Variants in HJURP observed in about 807,000 individuals in gnomAD.
HJURP encodes 14-3-3-associated AKT substrate.
In HJURP, 49 loss-of-function variants were observed where a neutral mutation model predicts 72.0. The observed-to-expected ratio is 0.68, with a 90% CI of 0.54 to 0.86. HJURP has a LOEUF of 0.86. Ranked by LOEUF, HJURP falls within the 40% of genes least tolerant of loss-of-function variation. HJURP has a pLI of 0.00. For synonymous variants in HJURP, 357 were observed against 347.1 expected, an observed-to-expected ratio of 1.03 and a Z score of -0.32; for missense variants, 908 against 936.3, an observed-to-expected ratio of 0.97 and a Z score of 0.39.
Position 233,837,341 on chromosome 2 carries a change from C to A in HJURP, c.*236G>T. On this transcript the variant is annotated 3_prime_UTR_variant, in exon 9 of 9. Coordinates refer to ENST00000411486, the MANE Select transcript of HJURP (RefSeq NM_018410.5). ...ATAACCCCCCCCCAAAAAAAACACA[C>A]ACATCAGAAAAACAGGCCTATCAAA... is the stretch of plus-strand genomic sequence containing the variant. 1.9e-5 allele frequency: 6 copies of A among 322,208 alleles called. No homozygotes were observed. The highest frequency in any genetic ancestry group is 1.1e-4 in the South Asian group (2 of 18,284). The allele number at this position is 322,208 out of a possible 1,614,324, so 20.0% of individuals were successfully genotyped here.
chr2:233,847,669 A>G (rs1705400152), intron 4 of HJURP, among the ~76,000 whole-genome samples: 1 of 152,140 alleles, frequency 6.6e-6, no homozygotes, highest in African/African-American at 2.4e-5. Context: ...GGGGCCATGG[A>G]GTGAGGAAAG....
chr2:233,854,511 C>T lies in HJURP; in HGVS notation c.-11G>A. 6.3e-7 allele frequency: 1 copy of T among 1,599,964 alleles called. No homozygotes were observed. Among genetic ancestry groups the T allele is most frequent in the Non-Finnish European group, 8.5e-7 (1 of 1,171,786 alleles). On this transcript the variant is annotated 5_prime_UTR_variant, in exon 1 of 9. Transcript: ENST00000411486. ...CAGCGTACCCAGCATCGGACCCAGC[C>T]AGTACCCAAGCGCCAACCCGGACTG... is the stretch of plus-strand genomic sequence containing the variant.
rs189433056 is a variant in HJURP at position 233,853,416 on chromosome 2, C to G, written c.184+428G>C. ...AGTTACTACTCCAAGTTAAACAGGG[C>G]AAACAATAGTCAATGTGAGTATTCA... On this transcript the variant is annotated intron_variant, in intron 2 of 8. Transcript: ENST00000411486. Among the ~76,000 whole-genome samples the G allele has an allele frequency of 5.3e-5, 8 of 152,350 alleles. No homozygotes were observed. The East Asian group carries it at 1.5e-3, about 29-fold the overall frequency.
At chr2:233,845,075 T>A (rs1463575345) in intron 6 of HJURP, among the ~76,000 whole-genome samples, 1 of 152,170 alleles carries the variant, frequency 6.6e-6, no homozygotes, top group South Asian at 2.1e-4. Context: ...GTGGGGACTA[T>A]TGCTTCCCTA....
At chr2:233,845,485 A>G (rs920012577) in intron 6 of HJURP, among the ~76,000 whole-genome samples, 1 of 152,158 alleles carries the variant, frequency 6.6e-6, no homozygotes, top group Non-Finnish European at 1.5e-5. Context: ...TTGCCCCAGA[A>G]CAGTGGGCAG....
rs1705229795 is a variant in HJURP, at chr2:233,841,525, T to G, written c.1255A>C (p.Arg419=). ...CCATGGCCCTGTCGTATTGTTGGTC[T>G]GGAAACTATTTTTACAGGAGAAATT... ...WLISPVKIVS[R]PTIRQGHGEN... The change falls in exon 8 of 9, where the codon AGA becomes CGA. Residue 419 remains arginine, a synonymous_variant. Coordinates refer to ENST00000411486, the MANE Select transcript of HJURP (RefSeq NM_018410.5). 1.9e-6 allele frequency: 3 copies of G among 1,614,196 alleles called. No homozygotes were observed. The highest frequency in any genetic ancestry group is 2.5e-6 in the Non-Finnish European group (3 of 1,179,986).
chr2:233,846,037 A>AT lies in HJURP; in HGVS notation c.403-218_403-217insA. ...TAAAAAGACACACACACACAAAAAA[A>AT]CCATGTCTAGAGAAGTTTATGACAG... On this transcript the variant is annotated intron_variant, in intron 5 of 8. Coordinates refer to ENST00000411486, the MANE Select transcript of HJURP (RefSeq NM_018410.5). The surrounding 1 kb of genome is among the most constrained non-coding windows in gnomAD (Gnocchi z 4.3). 2.0e-6 allele frequency: 1 copy of AT among 488,322 alleles called. No homozygotes were observed. The highest frequency in any genetic ancestry group is 3.6e-6 in the Non-Finnish European group (1 of 275,148). The allele number at this position is 488,322 out of a possible 1,614,324, so 30.2% of individuals were successfully genotyped here. A position where few individuals can be genotyped will look rare whatever the true frequency, so the allele number is the denominator to read the frequency against.
Position 233,841,261 on chromosome 2 carries a change from T to C in HJURP, c.1519A>G (p.Arg507Gly). ...AGGCACCTACCTGCTTCCAGAGATC[T>C]TTTGCCTAGGTTTTCAAAAGCCTCA... ...LSEAFENLGK[R>G]SLEAGRCLPK... Residue 507 changes from arginine to glycine, a missense_variant, in exon 8 of 9, where the codon AGA becomes GGA. By Grantham distance (125) the Arg-to-Gly change is moderately radical. Transcript: ENST00000411486. 1.2e-6 allele frequency: 2 copies of C among 1,614,118 alleles called. No homozygotes were observed. The highest frequency in any genetic ancestry group is 1.7e-6 in the Non-Finnish European group (2 of 1,179,954).
chr2:233,849,359 G>A (rs1245520781), intron 4 of HJURP, among the ~76,000 whole-genome samples: 1 of 152,184 alleles, frequency 6.6e-6, no homozygotes. Flanking sequence ...AAAGAGGACA[G>A]GATGGGGGTG....
At chr2:233,849,626 A>G in intron 4 of HJURP, 137 bp downstream of exon 4, 1 of 605,036 alleles carries the variant, frequency 1.7e-6, no homozygotes, top group South Asian at 2.1e-5. Flanking sequence ...GTACTTTAAC[A>G]TGATTTTAGT....
In HJURP at chr2:233,845,825, T is replaced by A; in HGVS notation, c.403-5A>T. On this transcript the variant is annotated splice_region_variant and splice_polypyrimidine_tract_variant and intron_variant, in intron 5 of 8. Transcript: ENST00000411486. ...AGGGCTTTGAGGCACTGCAGGCTGA[T>A]CAAAAAAGAGAAGTCAGAATTTTTA... 1 of 1,602,484 alleles carries A rather than the reference T, an allele frequency of 6.2e-7. No individual in the cohort carries two copies. Among genetic ancestry groups the A allele is most frequent in the Non-Finnish European group, 8.5e-7 (1 of 1,172,824 alleles).
chr2:233,849,259 G>A (rs931751088), intron 4 of HJURP, among the ~76,000 whole-genome samples: 8 of 152,162 alleles, frequency 5.3e-5, no homozygotes, highest in African/African-American at 1.2e-4. Context: ...TGTATCTAAC[G>A]TGAGTCTGAG....
chr2:233,854,321 T>TC, intron 1 of HJURP, 63 bp downstream of exon 1: 1 of 1,174,466 alleles, frequency 8.5e-7, no homozygotes. Context: ...CCGTCCTACG[T>TC]CCCCTCCCAG....
Position 233,836,954 on chromosome 2 carries a change from G to GA in HJURP, c.*622dup, listed in dbSNP as rs1201517893. On this transcript the variant is annotated 3_prime_UTR_variant, in exon 9 of 9. Coordinates refer to ENST00000411486, the MANE Select transcript of HJURP (RefSeq NM_018410.5). Reference sequence around the variant, plus strand: ...CAAACAATATTCTCGAATGAAATGGGAAACAGGAGAGAGGATTCTCTGGAC... The same window carrying GA: ...CAAACAATATTCTCGAATGAAATGGGAAAACAGGAGAGAGGATTCTCTGGAC... 1 of 152,268 alleles carries GA rather than the reference G, an allele frequency of 6.6e-6. No individual in the cohort carries two copies. Among genetic ancestry groups the GA allele is most frequent in the Non-Finnish European group, 1.5e-5 (1 of 68,144 alleles). 9.4% of individuals were successfully genotyped at this position (152,268 alleles called of 1,614,324 possible).
intron 8 of HJURP, 89 bp downstream of exon 8, chr2:233,840,520 C>T (rs1351845691): frequency 1.4e-5 from 19 of 1,324,072 alleles, no homozygotes; most frequent in Admixed American, 1.2e-4. Flanking sequence ...ATTCACTAAA[C>T]GTGGCGCAAA....
Position 233,837,305 on chromosome 2 carries a change from CAAACAAACAAAT to C in HJURP, c.*260_*271del, listed in dbSNP as rs1705096489. On this transcript the variant is annotated 3_prime_UTR_variant, in exon 9 of 9. Coordinates refer to ENST00000411486, the MANE Select transcript of HJURP (RefSeq NM_018410.5). ...TCTCAAAAACAAACAAACAAACAAA[CAAACAAACAAAT>C]AACCCCCCCCCAAAAAAAACACACA... The C allele has an allele frequency of 2.9e-6, 1 of 343,744 alleles. No individual in the cohort carries two copies. The highest frequency in any genetic ancestry group is 2.2e-5 in the African/African-American group (1 of 44,548). 21.3% of individuals were successfully genotyped at this position (343,744 alleles called of 1,614,324 possible).
chr2:233,846,956 C>T lies in HJURP; in HGVS notation c.402+441G>A, dbSNP rs963093797. On this transcript the variant is annotated intron_variant, in intron 5 of 8. Coordinates refer to ENST00000411486, the MANE Select transcript of HJURP (RefSeq NM_018410.5). This position sits in a 1 kb window ranked among gnomAD's most constrained non-coding sequence, Gnocchi z 4.3. ...TGACACTTACTGTTTGGGTTAGTGA[C>T]GGCTGCCCAATGAGGCGACCTTGTG... 9.9e-5 allele frequency among the ~76,000 whole-genome samples: 15 copies of T among 152,148 alleles called. No homozygotes were observed. The highest frequency in any genetic ancestry group is 1.5e-4 in the Non-Finnish European group (10 of 68,034).
In HJURP at chr2:233,842,026, C is replaced by T. The variant is rs774304438; in HGVS notation, c.754G>A (p.Asp252Asn). 10 of 1,614,208 alleles carry T rather than the reference C, an allele frequency of 6.2e-6. No individual in the cohort carries two copies. The highest frequency in any genetic ancestry group is 8.5e-6 in the Non-Finnish European group (10 of 1,180,036). The change falls in exon 8 of 9, where the codon GAT (aspartate) becomes AAT (asparagine). Residue 252 changes from aspartate (D) to asparagine (N), a missense_variant. Around this residue, in one of 3 missense-constraint regions of HJURP, gnomAD observed 598 missense variants for 619.5 expected, o/e 0.97. Coordinates refer to ENST00000411486, the MANE Select transcript of HJURP (RefSeq NM_018410.5). ...ATGGTCACATTGCAAATGTCATCAT[C>T]TTCAAAGGGCTGGCTGCTTAAGAAG... ...SSFLSSQPFEDDDICNVTISD... is the reference protein window; with the variant it reads ...SSFLSSQPFENDDICNVTISD...
chr2:233,851,073 A>T (rs1212724961), intron 3 of HJURP, among the ~76,000 whole-genome samples: 1 of 152,262 alleles, frequency 6.6e-6, no homozygotes, highest in African/African-American at 2.4e-5. Context: ...AAAGGGTCTG[A>T]AGATTCTGGA....
Sources: allele counts gnomAD v4.1 joint callset (sites outside exome capture counted in the v4.1 genomes callset), GRCh38; gene constraint gnomAD v4.1.1; regional missense constraint gnomAD v4.1.1; non-coding constraint Gnocchi (gnomAD v3.1); transcripts MANE v1.5; gene names NCBI Gene and HGNC (gene_info 2026-07-23, HGNC 2026-07-21).